The following METTL2A variants were observed in gnomAD, a reference collection of about 807,000 sequenced individuals.
METTL2A encodes the protein methyltransferase 2A, tRNA N3-cytidine.
METTL2A carries 45 observed loss-of-function variants against 49.4 expected under a neutral mutation model. That is an observed-to-expected ratio of 0.91 (90% confidence interval 0.72 to 1.17). METTL2A has a LOEUF of 1.17. Ranked by LOEUF, METTL2A falls within the 50% of genes most tolerant of loss-of-function variation. METTL2A has a pLI of 0.00. For synonymous variants in METTL2A, 118 were observed against 167.5 expected, an observed-to-expected ratio of 0.70 and a Z score of 2.28; for missense variants, 361 against 462.2, an observed-to-expected ratio of 0.78 and a Z score of 2.01.
chr17:62,447,647 C>A, intron 7 of METTL2A, 54 bp from the exon 8 acceptor site: 1 of 1,595,702 alleles, frequency 6.3e-7, no homozygotes, highest in Non-Finnish European at 8.6e-7. Context: ...CTTAGCAATG[C>A]GAGTCAAAGA....
intron 4 of METTL2A, among the ~76,000 whole-genome samples, chr17:62,432,592 G>A (rs995959035): frequency 6.6e-6 from 1 of 152,120 alleles, no homozygotes; most frequent in Non-Finnish European, 1.5e-5. Context: ...AAGGTCAGGA[G>A]ATGGAGACCA....
At chr17:62,446,024 CAGA>C (rs1359975082) in intron 7 of METTL2A, among the ~76,000 whole-genome samples, 1 of 152,130 alleles carries the variant, frequency 6.6e-6, no homozygotes, top group Non-Finnish European at 1.5e-5. Flanking sequence ...AGTCAGTTCA[CAGA>C]AGAACATATC....
Position 62,447,694 on chromosome 17 carries a change from T to C in METTL2A, c.917-7T>C. 4 of 1,614,008 alleles carry C rather than the reference T, an allele frequency of 2.5e-6. No homozygotes were observed. The highest frequency in any genetic ancestry group is 3.4e-6 in the Non-Finnish European group (4 of 1,179,926). ...GTGTCTCTGATTTTTAACACATCAC[T>C]CTGCAGGTCAGTGTCTATCTGGAAA... On this transcript the variant is annotated splice_region_variant and splice_polypyrimidine_tract_variant and intron_variant, in intron 7 of 8. Coordinates refer to ENST00000311506, the MANE Select transcript of METTL2A (RefSeq NM_181725.4).
chr17:62,437,985 T>A (rs1160944322), intron 5 of METTL2A, among the ~76,000 whole-genome samples: 18 of 140,600 alleles, frequency 1.3e-4, no homozygotes, highest in African/African-American at 4.2e-4. Flanking sequence ...AAAAAAAAAA[T>A]GTGTCTGTTA....
chr17:62,429,103 G>A (rs1421036728), intron 4 of METTL2A, among the ~76,000 whole-genome samples: 2 of 151,970 alleles, frequency 1.3e-5, no homozygotes, highest in African/African-American at 4.8e-5. Flanking sequence ...TTTTTATACA[G>A]CTAGGACACA....
Position 62,426,586 on chromosome 17 carries a change from A to G in METTL2A, c.490A>G (p.Lys164Glu). 6.5e-7 allele frequency: 1 copy of G among 1,534,688 alleles called. No homozygotes were observed. The highest frequency in any genetic ancestry group is 8.9e-7 in the Non-Finnish European group (1 of 1,122,944). Residue 164 changes from lysine (K) to glutamate (E), a missense_variant, in exon 3 of 9, where the codon AAA becomes GAA. Physicochemically the swap from Lys to Glu is moderately conservative, Grantham distance 56. Around this residue, in one of 3 missense-constraint regions of METTL2A, gnomAD observed 28 missense variants for 75.6 expected, o/e 0.37. Transcript: ENST00000311506. The stretch of plus-strand genomic sequence containing the variant: ...TCCTGTGGAGGAGAATGTAACTCAG[A>G]AAATTAGTGACCTGGAAATTTGTGC... ...TLPVEENVTQKISDLEICADE... is the reference protein window; with the variant it reads ...TLPVEENVTQEISDLEICADE...
intron 4 of METTL2A, among the ~76,000 whole-genome samples, chr17:62,434,381 C>A (rs1032273372): frequency 1.3e-5 from 2 of 152,108 alleles, no homozygotes; most frequent in Non-Finnish European, 2.9e-5. Context: ...AGAGCCCATG[C>A]CTTTGAGAGG....
intron 4 of METTL2A, among the ~76,000 whole-genome samples, chr17:62,430,293 A>G (rs1160518568): frequency 6.6e-6 from 1 of 152,214 alleles, no homozygotes; most frequent in Non-Finnish European, 1.5e-5. Context: ...ATGGCCATTA[A>G]TTATCAATAT....
rs2070808856 is a variant in METTL2A at position 62,451,984 on chromosome 17, T to C, written c.*3255T>C. ...GTGGCTCTAGAGAATCATTTGAACC[T>C]GGGAGGCGGAGGTTGCGGTGAGCCG... On this transcript the variant is annotated 3_prime_UTR_variant, in exon 9 of 9. Coordinates refer to ENST00000311506, the MANE Select transcript of METTL2A (RefSeq NM_181725.4). Among the ~76,000 whole-genome samples the C allele has an allele frequency of 6.6e-6, 1 of 151,894 alleles. No individual in the cohort carries two copies. The highest frequency in any genetic ancestry group is 2.4e-5 in the African/African-American group (1 of 41,344).
At chr17:62,439,448 T>C (rs1050112308) in intron 5 of METTL2A, among the ~76,000 whole-genome samples, 1 of 151,446 alleles carries the variant, frequency 6.6e-6, no homozygotes, top group African/African-American at 2.4e-5. Context: ...TTGTTTTTGT[T>C]TTTGAGACGG....
Position 62,448,923 on chromosome 17 carries a change from A to G in METTL2A, c.*194A>G. ...ACCCTGTATCTGAAAGTAATAATAA[A>G]AATAAAAAATATAAATGAGGTCTCG... On this transcript the variant is annotated 3_prime_UTR_variant, in exon 9 of 9. Transcript: ENST00000311506. 1.5e-6 allele frequency: 1 copy of G among 670,616 alleles called. No individual in the cohort carries two copies. The highest frequency in any genetic ancestry group is 2.2e-6 in the Non-Finnish European group (1 of 453,548). 41.5% of individuals were successfully genotyped at this position (670,616 alleles called of 1,614,324 possible). A position where few individuals can be genotyped will look rare whatever the true frequency, so the allele number is the denominator to read the frequency against.
chr17:62,441,128 A>G (rs1040987949), intron 6 of METTL2A, among the ~76,000 whole-genome samples: 1 of 152,176 alleles, frequency 6.6e-6, no homozygotes, highest in Non-Finnish European at 1.5e-5. Context: ...TTGATATTAG[A>G]GTTGGGCTCA....
intron 1 of METTL2A, 37 bp downstream of exon 1, chr17:62,424,049 C>T: frequency 6.2e-7 from 1 of 1,604,516 alleles, no homozygotes; most frequent in Non-Finnish European, 8.5e-7. Context: ...CTGTCGCTGA[C>T]CCTCTGTCCC....
chr17:62,443,788 C>T (rs1399620544), intron 6 of METTL2A, among the ~76,000 whole-genome samples: 1 of 152,150 alleles, frequency 6.6e-6, no homozygotes, highest in African/African-American at 2.4e-5. Context: ...GACAGGGTTT[C>T]ACCATGTTGG....
At chr17:62,430,781 C>G (rs1017730651) in intron 4 of METTL2A, among the ~76,000 whole-genome samples, 1 of 152,118 alleles carries the variant, frequency 6.6e-6, no homozygotes, top group African/African-American at 2.4e-5. Flanking sequence ...CAGGTTCAAG[C>G]AATTATCCTG....
At chr17:62,429,486 T>A (rs375399680) in intron 4 of METTL2A, among the ~76,000 whole-genome samples, 2 of 152,060 alleles carry the variant, frequency 1.3e-5, no homozygotes, top group East Asian at 3.9e-4. Context: ...AGACAGGGTT[T>A]CACCACATTG....
At chr17:62,437,403 T>C (rs1322782252) in intron 5 of METTL2A, among the ~76,000 whole-genome samples, 2 of 152,166 alleles carry the variant, frequency 1.3e-5, no homozygotes, top group Admixed American at 6.6e-5. Context: ...CATTTGTTTT[T>C]TCCCTCTTTG....
In METTL2A at chr17:62,453,286, C is replaced by CT. The variant is rs2070814765; in HGVS notation, c.*4557_*4558insT. Among the ~76,000 whole-genome samples, 1 of 152,194 alleles carries CT rather than the reference C, an allele frequency of 6.6e-6. No homozygotes were observed. The highest frequency in any genetic ancestry group is 2.1e-4 in the South Asian group (1 of 4,832). ...GGGACTTTGCATAACGTTTCATCCT[C>CT]AGAATCGCTAATGATGGGCAGAGGA... On this transcript the variant is annotated 3_prime_UTR_variant, in exon 9 of 9. Transcript: ENST00000311506.
intron 4 of METTL2A, among the ~76,000 whole-genome samples, chr17:62,433,394 T>C (rs569904402): frequency 6.6e-6 from 1 of 150,568 alleles, no homozygotes; most frequent in East Asian, 2.0e-4. Context: ...GACCACACTA[T>C]TGCACTCCAG....
Sources: gnomAD v4.1 joint callset for allele counts (sites outside exome capture counted in the v4.1 genomes callset) on GRCh38, gnomAD v4.1.1 for gene constraint, gnomAD v4.1.1 regional missense constraint, MANE v1.5 for transcripts, NCBI Gene and HGNC (gene_info 2026-07-23, HGNC 2026-07-21) for gene names.